Variants in CYYR1 observed in about 807,000 individuals in gnomAD.
The protein encoded by CYYR1 is cysteine and tyrosine rich 1, also known as cysteine and tyrosine-rich protein 1.
In CYYR1, 14 loss-of-function variants were observed where a neutral mutation model predicts 15.2. The observed-to-expected ratio is 0.92, with a 90% CI of 0.61 to 1.44. The LOEUF is 1.44. Ranked by LOEUF, CYYR1 falls within the 40% of genes most tolerant of loss-of-function variation. The probability of loss-of-function intolerance (pLI) is 0.00; values close to 1 mark genes in which losing one functional copy is unlikely to be tolerated. For synonymous variants in CYYR1, 80 were observed against 77.4 expected (o/e 1.03, Z -0.18); for missense variants, 228 against 209.5 (o/e 1.09, Z -0.54).
chr21:26,536,512 T>C (rs996454604), intron 2 of CYYR1, among the ~76,000 whole-genome samples: 1 of 152,166 alleles, frequency 6.6e-6, no homozygotes, highest in Non-Finnish European at 1.5e-5. Context: ...CCTGAGTACA[T>C]TTTAAACACC....
At chr21:26,562,769 CACAA>C (rs1476386546) in intron 2 of CYYR1, among the ~76,000 whole-genome samples, 17 of 147,430 alleles carry the variant, frequency 1.2e-4, no homozygotes, top group East Asian at 2.0e-4. Flanking sequence ...CAGAGACATA[CACAA>C]ACACACACAC....
chr21:26,563,982 T>G (rs1284884807), intron 2 of CYYR1, among the ~76,000 whole-genome samples: 2 of 152,232 alleles, frequency 1.3e-5, no homozygotes, highest in Non-Finnish European at 2.9e-5. Flanking sequence ...TTATTACTTT[T>G]CTAATAACCA....
At chr21:26,536,793 C>G (rs888124545) in intron 2 of CYYR1, among the ~76,000 whole-genome samples, 1 of 152,110 alleles carries the variant, frequency 6.6e-6, no homozygotes, top group Non-Finnish European at 1.5e-5. Flanking sequence ...GTTCCTTGAT[C>G]TTCTGCATTC....
At chr21:26,505,328 C>A (rs1485591806) in intron 2 of CYYR1, among the ~76,000 whole-genome samples, 2 of 152,016 alleles carry the variant, frequency 1.3e-5, no homozygotes, top group African/African-American at 2.4e-5. Context: ...CAATAAAAGC[C>A]CAAGTTGCAA....
intron 2 of CYYR1, among the ~76,000 whole-genome samples, chr21:26,560,658 CT>C (rs1980133124): frequency 6.6e-6 from 1 of 152,100 alleles, no homozygotes; most frequent in African/African-American, 2.4e-5. Context: ...ACTTTAATTG[CT>C]TTTCCTTTTA....
intron 2 of CYYR1, among the ~76,000 whole-genome samples, chr21:26,507,604 G>C (rs1321162811): frequency 6.6e-6 from 1 of 152,286 alleles, no homozygotes; most frequent in South Asian, 2.1e-4. Context: ...AATAGCAATG[G>C]CTGTGAGCCA....
chr21:26,486,417 G>T (rs1000577731), intron 2 of CYYR1, among the ~76,000 whole-genome samples: 1 of 151,874 alleles, frequency 6.6e-6, no homozygotes, highest in East Asian at 1.9e-4. Flanking sequence ...TTAAACCTAT[G>T]ATCTATTTTT....
intron 2 of CYYR1, among the ~76,000 whole-genome samples, chr21:26,545,150 T>C (rs1978870057): frequency 6.6e-6 from 1 of 152,104 alleles, no homozygotes; most frequent in Non-Finnish European, 1.5e-5. Flanking sequence ...TTTATTGAAA[T>C]TATATAATAT....
chr21:26,560,561 T>A (rs1045796923), intron 2 of CYYR1, among the ~76,000 whole-genome samples: 4 of 152,040 alleles, frequency 2.6e-5, no homozygotes, highest in Admixed American at 2.0e-4. Context: ...TGAGATAGGG[T>A]GGTGGTTTTT....
chr21:26,526,024 A>C (rs1306921360), intron 2 of CYYR1, among the ~76,000 whole-genome samples: 2 of 152,116 alleles, frequency 1.3e-5, no homozygotes, highest in Admixed American at 1.3e-4. Context: ...TGGAGGGTGG[A>C]GGGTGTGGGA....
Position 26,559,284 on chromosome 21 carries a change from A to G in CYYR1, c.176+6982T>C, listed in dbSNP as rs73898267. Among the ~76,000 whole-genome samples, 955 of 152,250 alleles carry G rather than the reference A, an allele frequency of 6.3e-3. 10 individuals carry two copies. Among genetic ancestry groups the G allele is most frequent in the African/African-American group, 0.022 (909 of 41,536 alleles). On this transcript the variant is annotated intron_variant, in intron 2 of 3. Coordinates refer to ENST00000652641, the MANE Select transcript of CYYR1 (RefSeq NM_001320768.2). ...TCTATGCCTTTTTTTGTGCACACAC[A>G]TTGCCCATTATCCTATTCAGGCATT...
At chr21:26,544,326 G>T (rs991655197) in intron 2 of CYYR1, among the ~76,000 whole-genome samples, 3 of 152,242 alleles carry the variant, frequency 2.0e-5, no homozygotes, top group Admixed American at 1.3e-4. Context: ...AATGCAGAGC[G>T]CTTAGAAAAC....
intron 2 of CYYR1, 42 bp from the exon 3 acceptor site, chr21:26,480,471 G>A (rs201651683): frequency 3.3e-5 from 52 of 1,572,512 alleles, no homozygotes; most frequent in African/African-American, 3.1e-4. Context: ...AGACTTGTAA[G>A]CATTCTTTAG....
intron 2 of CYYR1, among the ~76,000 whole-genome samples, chr21:26,501,719 C>T (rs1279902872): frequency 2.6e-5 from 4 of 152,052 alleles, no homozygotes; most frequent in South Asian, 2.1e-4. Flanking sequence ...TATGTTATCT[C>T]GATGGAAGGA....
At position 26,553,507 on chromosome 21, in the gene CYYR1, A is replaced by C. The variant is rs115894148; in HGVS notation, c.176+12759T>G. ...GACAGAACTAGAGGGCTTCTCCTGC[A>C]GCTCTCTGTTCATGTCCTGAAGCCT... On this transcript the variant is annotated intron_variant, in intron 2 of 3. Coordinates refer to ENST00000652641, the MANE Select transcript of CYYR1 (RefSeq NM_001320768.2). Among the ~76,000 whole-genome samples the C allele has an allele frequency of 4.2e-3, 634 of 152,276 alleles. 6 individuals carry two copies. The highest frequency in any genetic ancestry group is 0.014 in the African/African-American group (574 of 41,574).
chr21:26,482,415 G>C (rs1447814066), intron 2 of CYYR1: 1 of 984,938 alleles, frequency 1.0e-6, no homozygotes, highest in Non-Finnish European at 1.2e-6. Context: ...GTTCTGTTCT[G>C]CTCCCCTGAT....
intron 2 of CYYR1, among the ~76,000 whole-genome samples, chr21:26,512,785 C>A (rs570571527): frequency 6.6e-6 from 1 of 152,200 alleles, no homozygotes; most frequent in East Asian, 1.9e-4. Flanking sequence ...GCCTGCAAAG[C>A]CTAAAATATT....
At chr21:26,496,677 A>C (rs2830258) in intron 2 of CYYR1, among the ~76,000 whole-genome samples, 27,160 of 152,208 alleles carry the variant, frequency 0.18, 2,716 homozygotes, top group South Asian at 0.24. Context: ...GATTATATGA[A>C]AATAGACAGG....
At chr21:26,554,339 A>T (rs536940331) in intron 2 of CYYR1, among the ~76,000 whole-genome samples, 123 of 152,148 alleles carry the variant, frequency 8.1e-4, no homozygotes, top group African/African-American at 2.9e-3. Context: ...TATATATGTA[A>T]TTTTTTTCTA....
Sources: allele counts gnomAD v4.1 joint callset (sites outside exome capture counted in the v4.1 genomes callset), GRCh38; gene constraint gnomAD v4.1.1; transcripts MANE v1.5; gene names NCBI Gene and HGNC (gene_info 2026-07-23, HGNC 2026-07-21).